CD6: variants seen among roughly 807,000 people sequenced by gnomAD.
CD6 encodes CD6 molecule, also known as T-cell differentiation antigen CD6.
A neutral mutation model predicts 75.3 loss-of-function variants in CD6; 53 were observed. The ratio of observed to expected loss-of-function variants is 0.70; its 90% CI spans 0.56 to 0.88. The LOEUF (loss-of-function observed/expected upper bound fraction) is 0.88. Ranked by LOEUF, CD6 falls within the 40% of genes least tolerant of loss-of-function variation. CD6 has a pLI of 0.00. For synonymous variants in CD6, 359 were observed against 381.5 expected, an observed-to-expected ratio of 0.94 and a Z score of 0.69; for missense variants, 770 against 897.1, an observed-to-expected ratio of 0.86 and a Z score of 1.81.
chr11:61,013,989 G>A lies in CD6; in HGVS notation c.1362G>A (p.Pro454=), dbSNP rs376880399. 3.3e-4 allele frequency: 527 copies of A among 1,613,198 alleles called. No individual in the cohort carries two copies. The highest frequency in any genetic ancestry group is 4.2e-4 in the Non-Finnish European group (499 of 1,179,664). Residue 454 remains proline, a synonymous_variant, in exon 8 of 13, where the codon CCG becomes CCA. Transcript: ENST00000313421. ...TIPAGSNSYQ[P]VPITIPKEVF... ...CGGCAGGGAGCAATAGCTATCAACCGGTCCCCATCACCATCCCCAAAGAAG... is the reference window on the plus strand; with the variant it reads ...CGGCAGGGAGCAATAGCTATCAACCAGTCCCCATCACCATCCCCAAAGAAG...
At chr11:61,011,178 C>CGTGTGT (rs10528068) in intron 6 of CD6, 43 bp downstream of exon 6, 19,253 of 895,984 alleles carry the variant, frequency 0.021, 129 homozygotes, top group South Asian at 0.036. Flanking sequence ...GAAGCTTGGA[C>CGTGTGT]GTGTGTGTGT....
rs977732407 is a variant in CD6, at chr11:61,013,461, C to T, written c.1189C>T (p.Arg397Trp). 73 of 1,613,982 alleles carry T rather than the reference C, an allele frequency of 4.5e-5. No individual in the cohort carries two copies. The highest frequency in any genetic ancestry group is 5.3e-5 in the Non-Finnish European group (63 of 1,179,938). Reference protein sequence around the residue: ...VTVKIENKESRELMLLIPSIV... With the variant: ...VTVKIENKESWELMLLIPSIV... ...AGTGAAAATAGAGAACAAGGAATCT[C>T]GGGAGCTAATGCTCCTCATCCCCTC... Residue 397 changes from arginine (R) to tryptophan (W), a missense_variant, in exon 7 of 13, where the codon CGG becomes TGG. By Grantham distance (101) the Arg-to-Trp change is moderately radical. Transcript: ENST00000313421.
intron 8 of CD6, among the ~76,000 whole-genome samples, chr11:61,015,240 G>C (rs988889652): frequency 6.6e-6 from 1 of 152,214 alleles, no homozygotes; most frequent in African/African-American, 2.4e-5. Context: ...ATGAACGAAG[G>C]CAGCCTAGAA....
At chr11:61,012,230 A>T (rs1210948498) in intron 6 of CD6, among the ~76,000 whole-genome samples, 6 of 152,244 alleles carry the variant, frequency 3.9e-5, no homozygotes, top group African/African-American at 1.4e-4. Flanking sequence ...GGCAACCTGC[A>T]CACGCTTTCT....
At chr11:61,000,946 C>T (rs1222017544) in intron 1 of CD6, among the ~76,000 whole-genome samples, 9 of 152,072 alleles carry the variant, frequency 5.9e-5, no homozygotes, top group Admixed American at 5.9e-4. Flanking sequence ...GTCGGCACTC[C>T]CAACCTCTTT....
chr11:61,009,515 G>A lies in CD6; in HGVS notation c.782-57G>A, dbSNP rs933058201. On this transcript the variant is annotated intron_variant, in intron 4 of 12. Coordinates refer to ENST00000313421, the MANE Select transcript of CD6 (RefSeq NM_006725.5). ...CCTGCACTGGTGGGTCTGGGCTGGC[G>A]GGAATTTCTGCCCAAAGGATTCTGA... 95 of 1,481,916 alleles carry A rather than the reference G, an allele frequency of 6.4e-5. 1 individual carries two copies. In the Middle Eastern group the frequency reaches 1.3e-3, roughly 20 times the overall value. 91.8% of individuals were successfully genotyped at this position (1,481,916 alleles called of 1,614,324 possible). A position where few individuals can be genotyped will look rare whatever the true frequency, so the allele number is the denominator to read the frequency against.
intron 8 of CD6, 58 bp from the exon 9 acceptor site, chr11:61,015,655 C>T (rs1290959234): frequency 7.5e-6 from 12 of 1,600,780 alleles, no homozygotes; most frequent in Non-Finnish European, 1.0e-5. Flanking sequence ...TCTACCATCC[C>T]TCCCTACACC....
intron 6 of CD6, among the ~76,000 whole-genome samples, chr11:61,012,041 C>G (rs1006334300): frequency 6.6e-6 from 1 of 152,218 alleles, no homozygotes. Context: ...TCCTGGGATA[C>G]CCACAGGACT....
chr11:60,986,199 A>G (rs1022032119), intron 1 of CD6, among the ~76,000 whole-genome samples: 1 of 152,264 alleles, frequency 6.6e-6, no homozygotes, highest in Non-Finnish European at 1.5e-5. Flanking sequence ...CAACCACATT[A>G]GAAGGAATGC....
intron 5 of CD6, 144 bp from the exon 6 acceptor site, chr11:61,010,926 G>A: frequency 1.5e-6 from 1 of 684,272 alleles, no homozygotes; most frequent in South Asian, 1.7e-5. Context: ...AGGGAGGTAA[G>A]TTTCCTTAGC....
chr11:60,997,221 TA>T (rs1858341446), intron 1 of CD6, among the ~76,000 whole-genome samples: 1 of 151,632 alleles, frequency 6.6e-6, no homozygotes, highest in African/African-American at 2.4e-5. Flanking sequence ...ACTAAAAGTA[TA>T]AAAAAAGTAG....
intron 1 of CD6, among the ~76,000 whole-genome samples, chr11:60,983,995 G>A (rs1857692123): frequency 6.6e-6 from 1 of 152,000 alleles, no homozygotes; most frequent in East Asian, 1.9e-4. Context: ...ACAGAAGCAC[G>A]TTTTGTCCTT....
intron 1 of CD6, among the ~76,000 whole-genome samples, chr11:61,001,356 C>G (rs1183120632): frequency 6.6e-6 from 1 of 152,036 alleles, no homozygotes; most frequent in African/African-American, 2.4e-5. Context: ...GCACCTGCCA[C>G]CACGCCTGGC....
At position 60,986,751 on chromosome 11, in the gene CD6, C is replaced by T. The variant is rs1249813636; in HGVS notation, c.49+14837C>T. Among the ~76,000 whole-genome samples the T allele has an allele frequency of 3.9e-5, 6 of 152,292 alleles. No homozygotes were observed. The South Asian group carries it at 8.3e-4, about 21-fold the overall frequency. On this transcript the variant is annotated intron_variant, in intron 1 of 12. Coordinates refer to ENST00000313421, the MANE Select transcript of CD6 (RefSeq NM_006725.5). ...TCTTCTCAGCTCCCACCTTCTGCCC[C>T]GGAGGCAGCTTTTGTTGCAGGTACA...
chr11:61,008,559 C>A lies in CD6; in HGVS notation c.495C>A (p.Asp165Glu), dbSNP rs1303214322. The change falls in exon 4 of 13, where the codon GAC (aspartate) becomes GAA (glutamate). Residue 165 changes from aspartate (D) to glutamate (E), a missense_variant. Physicochemically the swap from Asp to Glu is conservative, Grantham distance 45. Transcript: ENST00000313421. Reference protein sequence around the residue: ...CAENRALRLVDGGGACAGRVE... With the variant: ...CAENRALRLVEGGGACAGRVE... ...AGAACCGCGCGCTGCGCCTGGTGGA[C>A]GGTGGCGGCGCCTGCGCCGGCCGCG... is the stretch of plus-strand genomic sequence containing the variant. 6.2e-7 allele frequency: 1 copy of A among 1,604,974 alleles called. No individual in the cohort carries two copies. Among genetic ancestry groups the A allele is most frequent in the African/African-American group, 1.3e-5 (1 of 74,788 alleles).
chr11:60,990,520 G>A (rs907444293), intron 1 of CD6, among the ~76,000 whole-genome samples: 2 of 152,124 alleles, frequency 1.3e-5, no homozygotes, highest in Non-Finnish European at 2.9e-5. Context: ...CACCGCGCCT[G>A]GCCTGAGAAT....
chr11:60,995,194 G>A (rs1858242057), intron 1 of CD6, among the ~76,000 whole-genome samples: 1 of 148,932 alleles, frequency 6.7e-6, no homozygotes, highest in Non-Finnish European at 1.5e-5. Context: ...ACCCAGCCTA[G>A]AATGCAGTGC....
chr11:60,998,839 A>G (rs1016019461), intron 1 of CD6, among the ~76,000 whole-genome samples: 2 of 135,612 alleles, frequency 1.5e-5, no homozygotes, highest in Non-Finnish European at 3.1e-5. Context: ...AATTAGAACA[A>G]CACAAGGCAG....
Position 61,006,590 on chromosome 11 carries a change from C to G in CD6, c.66C>G (p.Ala22=). The G allele has an allele frequency of 6.2e-7, 1 of 1,609,210 alleles. No individual in the cohort carries two copies. The highest frequency in any genetic ancestry group is 8.5e-7 in the Non-Finnish European group (1 of 1,177,964). The change falls in exon 2 of 13, where the codon GCC becomes GCG. Residue 22 remains alanine (A), a synonymous_variant. Coordinates refer to ENST00000313421, the MANE Select transcript of CD6 (RefSeq NM_006725.5). Reference sequence around the variant, plus strand: ...TCATTTCAGGTCATCCATCTCCAGCCCCACCTGACCAGCTCAACACCAGCA... The same window carrying G: ...TCATTTCAGGTCATCCATCTCCAGCGCCACCTGACCAGCTCAACACCAGCA... ...TAALSGHPSP[A]PPDQLNTSSA...
Sources: gnomAD v4.1 joint callset for allele counts (sites outside exome capture counted in the v4.1 genomes callset) on GRCh38, gnomAD v4.1.1 for gene constraint, MANE v1.5 for transcripts, NCBI Gene and HGNC (gene_info 2026-07-23, HGNC 2026-07-21) for gene names.